EDA2R: variants seen among roughly 807,000 people sequenced by gnomAD.
EDA2R encodes the protein tumor necrosis factor receptor superfamily member 27.
A neutral mutation model predicts 20.1 loss-of-function variants in EDA2R; 26 were observed. The observed-to-expected ratio is 1.30, with a 90% CI of 0.95 to 1.80. The LOEUF is 1.80. Ranked by LOEUF, EDA2R falls within the 40% of genes most tolerant of loss-of-function variation. EDA2R has a pLI of 0.00. For synonymous variants in EDA2R, 114 were observed against 88.7 expected (o/e 1.29, Z -1.60); for missense variants, 277 against 228.7 (o/e 1.21, Z -1.36).
At chrX:66,634,659 T>A (rs897354420) in intron 1 of EDA2R, among the ~76,000 whole-genome samples, 13 of 111,669 alleles carry the variant, frequency 1.2e-4, no homozygotes, top group African/African-American at 4.2e-4. Context: ...AGGGATAGAA[T>A]TTTCCCAAAG....
intron 1 of EDA2R, among the ~76,000 whole-genome samples, chrX:66,633,383 C>G: frequency 8.9e-6 from 1 of 111,940 alleles, no homozygotes; most frequent in Middle Eastern, 4.6e-3. Context: ...AAATTAAGAA[C>G]AGCAAACTCT....
In EDA2R at chrX:66,599,563, T is replaced by C. The variant is rs1228628330; in HGVS notation, c.815A>G (p.Glu272Gly). The change falls in exon 6 of 7, where the codon GAG (glutamate) becomes GGG (glycine). Residue 272 changes from glutamate (E) to glycine (G), a missense_variant. Transcript: ENST00000374719. ...FSSSASYTGA[E>G]TLGGNTVEST... ...TTCGACTGTGTTTCCCCCCAAGGTC[T>C]CAGCTCCAGTATAGGAGGCAGAGCT... The C allele has an allele frequency of 9.2e-6, 11 of 1,189,635 alleles. No homozygotes were observed. The Admixed American group carries it at 2.6e-4, about 28-fold the overall frequency.
intron 5 of EDA2R, among the ~76,000 whole-genome samples, chrX:66,601,799 A>T (rs1321723477): frequency 9.0e-6 from 1 of 110,791 alleles, no homozygotes; most frequent in Non-Finnish European, 1.9e-5. Context: ...TGGAGTTCTA[A>T]CTCTTTGCCT....
At chrX:66,598,991 C>A (rs1233509399) in intron 6 of EDA2R, among the ~76,000 whole-genome samples, 2 of 111,917 alleles carry the variant, frequency 1.8e-5, no homozygotes, top group Admixed American at 9.5e-5. Context: ...CTTTGAGAAA[C>A]TAACTTTCCC....
At chrX:66,625,212 G>T (rs1311650925) in intron 1 of EDA2R, among the ~76,000 whole-genome samples, 1 of 111,699 alleles carries the variant, frequency 9.0e-6, no homozygotes, top group Non-Finnish European at 1.9e-5. Flanking sequence ...AGACTCTAAA[G>T]GAGTGGGAAG....
chrX:66,616,721 T>G (rs1251903519), intron 1 of EDA2R, among the ~76,000 whole-genome samples: 1 of 112,228 alleles, frequency 8.9e-6, no homozygotes, highest in African/African-American at 3.2e-5. Flanking sequence ...ATAATAGTTC[T>G]TGGAATACAG....
chrX:66,627,982 G>C (rs1933280025), intron 1 of EDA2R, among the ~76,000 whole-genome samples: 1 of 111,466 alleles, frequency 9.0e-6, no homozygotes, highest in African/African-American at 3.3e-5. Flanking sequence ...ATTATATCAA[G>C]CACTCTGTCA....
chrX:66,631,321 T>C (rs1933792279), intron 1 of EDA2R, among the ~76,000 whole-genome samples: 2 of 111,027 alleles, frequency 1.8e-5, no homozygotes, highest in South Asian at 7.7e-4. Context: ...AACATATCCA[T>C]GCAACCAAAT....
chrX:66,631,033 A>G (rs781521518), intron 1 of EDA2R, among the ~76,000 whole-genome samples: 16 of 109,326 alleles, frequency 1.5e-4, no homozygotes, highest in South Asian at 8.0e-4. Context: ...ATACACACAC[A>G]TGTGTGTATA....
chrX:66,599,983 G>A (rs1439746014), intron 5 of EDA2R, 123 bp from the exon 6 acceptor site: 1 of 1,127,909 alleles, frequency 8.9e-7, no homozygotes, highest in South Asian at 2.1e-5. Context: ...TCCTCTCCCT[G>A]GGGTCTAGAG....
chrX:66,614,450 G>T lies in EDA2R; in HGVS notation c.87+1484C>A, dbSNP rs1222806733. Among the ~76,000 whole-genome samples, 3 of 111,948 alleles carry T rather than the reference G, an allele frequency of 2.7e-5. No homozygotes were observed. The Admixed American group carries it at 2.8e-4, about 11-fold the overall frequency. On this transcript the variant is annotated intron_variant, in intron 2 of 6. Coordinates refer to ENST00000374719, the MANE Select transcript of EDA2R (RefSeq NM_021783.5). ...AATTGATTCTGAGGTGAAATAATTT[G>T]CCCAGAGCAAAGATGGGACTCATGC...
chrX:66,627,459 C>A (rs1257769625), intron 1 of EDA2R, among the ~76,000 whole-genome samples: 1 of 112,125 alleles, frequency 8.9e-6, no homozygotes, highest in African/African-American at 3.2e-5. Context: ...AAATGGACAC[C>A]AAAAGTGAGC....
chrX:66,628,845 G>T (rs1334610097), intron 1 of EDA2R, among the ~76,000 whole-genome samples: 1 of 111,144 alleles, frequency 9.0e-6, no homozygotes, highest in East Asian at 2.8e-4. Flanking sequence ...ATTCTATGAA[G>T]CCAGCATCAC....
intron 1 of EDA2R, among the ~76,000 whole-genome samples, chrX:66,630,938 T>C (rs775279249): frequency 9.1e-6 from 1 of 109,938 alleles, no homozygotes; most frequent in Non-Finnish European, 1.9e-5. Context: ...TATACGTACA[T>C]ATATACACGT....
chrX:66,605,743 A>G (rs73632130), intron 2 of EDA2R, among the ~76,000 whole-genome samples: 13 of 112,419 alleles, frequency 1.2e-4, no homozygotes, highest in African/African-American at 4.2e-4. Flanking sequence ...TCACATGATC[A>G]TTAATAACTA....
At chrX:66,609,335 G>A (rs1187339044) in intron 2 of EDA2R, among the ~76,000 whole-genome samples, 3 of 108,680 alleles carry the variant, frequency 2.8e-5, no homozygotes, top group East Asian at 2.8e-4. Context: ...AGGCAGGCTC[G>A]AAATACTCCT....
At chrX:66,611,972 G>T (rs1276966382) in intron 2 of EDA2R, among the ~76,000 whole-genome samples, 1 of 111,564 alleles carries the variant, frequency 9.0e-6, no homozygotes, top group Non-Finnish European at 1.9e-5. Context: ...CCATTCAAAT[G>T]ATACGACAGT....
At chrX:66,606,420 T>C (rs945014232) in intron 2 of EDA2R, among the ~76,000 whole-genome samples, 1 of 111,778 alleles carries the variant, frequency 8.9e-6, no homozygotes, top group African/African-American at 3.3e-5. Flanking sequence ...TCTTCATACA[T>C]TCATTTTCCA....
At position 66,599,837 on chromosome X, in the gene EDA2R, C is replaced by T. The variant is rs1228115251; in HGVS notation, c.541G>A (p.Asp181Asn). ...AGAGATTCCTCCTTTGCTGTTTTAT[C>T]AGCCTCAAACTGCAGCAAACCTCCT... The part of the protein sequence containing the change: ...QRGGLLQFEA[D>N]KTAKEESLFP... The change falls in exon 6 of 7, where the codon GAT becomes AAT. Residue 181 changes from aspartate to asparagine, a missense_variant. Transcript: ENST00000374719. The T allele has an allele frequency of 2.5e-6, 3 of 1,205,774 alleles. No individual in the cohort carries two copies. Among genetic ancestry groups the T allele is most frequent in the East Asian group, 5.9e-5 (2 of 33,675 alleles).
Sources: gnomAD v4.1 joint callset for allele counts (sites outside exome capture counted in the v4.1 genomes callset) on GRCh38, gnomAD v4.1.1 for gene constraint, MANE v1.5 for transcripts, NCBI Gene and HGNC (gene_info 2026-07-23, HGNC 2026-07-21) for gene names.